The following USH2A variants were observed in gnomAD, a reference collection of about 807,000 sequenced individuals.
USH2A encodes the protein usherin, also known as Usher syndrome 2A (autosomal recessive, mild).
Under a neutral mutation model 538.9 loss-of-function variants are expected in USH2A, and 443 were observed. That is an observed-to-expected ratio of 0.82 (90% CI 0.76 to 0.89). The LOEUF (loss-of-function observed/expected upper bound fraction) is 0.89, where lower values mean the gene tolerates loss of function less well. Ranked by LOEUF, USH2A falls within the 40% of genes least tolerant of loss-of-function variation. The pLI, the probability that USH2A is intolerant of heterozygous loss-of-function variation, is 0.00. For missense variants in USH2A, 6,633 were observed against 6,324.8 expected, an observed-to-expected ratio of 1.05 and a Z score of -1.65; for synonymous variants, 2,413 against 2,273.5, an observed-to-expected ratio of 1.06 and a Z score of -1.75.
chr1:215,779,733 T>C (rs1165585678), intron 55 of USH2A, 110 bp downstream of exon 55: 7 of 1,316,610 alleles, frequency 5.3e-6, no homozygotes, highest in Middle Eastern at 2.5e-4. Flanking sequence ...AGAGAACACG[T>C]CCTTTCGAAG....
intron 64 of USH2A, among the ~76,000 whole-genome samples, chr1:215,662,564 G>A (rs1013584303): frequency 4.6e-5 from 7 of 152,204 alleles, no homozygotes; most frequent in South Asian, 2.1e-4. Context: ...ATGATCTCCC[G>A]TGGGAACAAA....
At position 215,838,097 on chromosome 1, in the gene USH2A, C is replaced by G; in HGVS notation, c.9265G>C (p.Val3089Leu). The change falls in exon 47 of 72, where the codon GTC (valine) becomes CTC (leucine). Residue 3089 changes from valine (V) to leucine (L), a missense_variant. Val to Leu is a conservative substitution (Grantham distance 32, BLOSUM62 1). Coordinates refer to ENST00000307340, the MANE Select transcript of USH2A (RefSeq NM_206933.4). ...PFTIYDIQVE[V>L]CTIYACVKSN... is the part of the protein sequence containing the mutation. ...TTCACGCAGGCATATATTGTGCAGA[C>G]TTCAACCTGCAAACATTAGTTTAGA... 6.2e-7 allele frequency: 1 copy of G among 1,613,182 alleles called. No homozygotes were observed. The highest frequency in any genetic ancestry group is 1.1e-5 in the South Asian group (1 of 91,080).
chr1:215,849,792 A>G (rs1663969391), intron 44 of USH2A, among the ~76,000 whole-genome samples: 2 of 152,196 alleles, frequency 1.3e-5, no homozygotes, highest in South Asian at 4.1e-4. Flanking sequence ...GTTGAAAGAC[A>G]ATGGAACAAT....
At chr1:216,058,406 T>C (rs2031056766) in intron 30 of USH2A, among the ~76,000 whole-genome samples, 1 of 149,276 alleles carries the variant, frequency 6.7e-6, no homozygotes, top group Non-Finnish European at 1.5e-5. Flanking sequence ...AAAAATCATG[T>C]TACAATGATA....
Position 215,689,499 on chromosome 1 carries a change from C to A in USH2A, c.12067-9123G>T, listed in dbSNP as rs116719408. Among the ~76,000 whole-genome samples the A allele has an allele frequency of 1.1e-4, 16 of 152,324 alleles. No homozygotes were observed. In the East Asian group the frequency reaches 1.7e-3, roughly 17 times the overall value. Reference sequence around the variant, plus strand: ...ATGCCCTTGTGTGATTCTCCCTCCCCCTGAGTGCAGTCAGGGCCTATGCCT... The same window carrying A: ...ATGCCCTTGTGTGATTCTCCCTCCCACTGAGTGCAGTCAGGGCCTATGCCT... On this transcript the variant is annotated intron_variant, in intron 61 of 71. Transcript: ENST00000307340.
At chr1:216,257,214 G>A (rs1488703971) in intron 11 of USH2A, among the ~76,000 whole-genome samples, 1 of 151,644 alleles carries the variant, frequency 6.6e-6, no homozygotes, top group East Asian at 1.9e-4. Flanking sequence ...TTATAGTATA[G>A]GTTTCTGTGT....
At chr1:216,088,036 C>G (rs750956238) in intron 23 of USH2A, among the ~76,000 whole-genome samples, 1 of 152,128 alleles carries the variant, frequency 6.6e-6, no homozygotes, top group Non-Finnish European at 1.5e-5. Context: ...GACCTTATGT[C>G]ATGTCATTAG....
chr1:216,384,228 T>C (rs1042299639), intron 3 of USH2A, among the ~76,000 whole-genome samples: 5 of 151,940 alleles, frequency 3.3e-5, no homozygotes, highest in Middle Eastern at 3.4e-3. Context: ...ACATATAATT[T>C]CTAAATATAT....
intron 22 of USH2A, among the ~76,000 whole-genome samples, chr1:216,094,561 A>G (rs2032392629): frequency 6.6e-6 from 1 of 152,146 alleles, no homozygotes. Context: ...ATCATTAAAT[A>G]TTTAGGCATA....
intron 4 of USH2A, among the ~76,000 whole-genome samples, chr1:216,340,278 C>T (rs1046484895): frequency 6.6e-6 from 1 of 151,902 alleles, no homozygotes; most frequent in South Asian, 2.1e-4. Flanking sequence ...TAAACCTTCC[C>T]AAGGCTAAAC....
intron 30 of USH2A, among the ~76,000 whole-genome samples, chr1:216,056,789 T>TGC (rs916935343): frequency 2.0e-5 from 3 of 150,634 alleles, no homozygotes; most frequent in African/African-American, 7.5e-5. Flanking sequence ...CATTTGTGTG[T>TGC]GTGTGTGTGT....
chr1:215,911,899 G>A lies in USH2A; in HGVS notation c.7301-10994C>T, dbSNP rs1665794121. 2.0e-5 allele frequency among the ~76,000 whole-genome samples: 3 copies of A among 151,930 alleles called. No individual in the cohort carries two copies. The South Asian group carries it at 6.2e-4, about 32-fold the overall frequency. On this transcript the variant is annotated intron_variant, in intron 38 of 71. Transcript: ENST00000307340. ...TTTATTGCCTGTTTTTTGGACATAA[G>A]CCATTTTAACTGGGGTGAGATGAAA...
chr1:216,096,335 C>T (rs1000775120), intron 22 of USH2A, among the ~76,000 whole-genome samples: 2 of 152,156 alleles, frequency 1.3e-5, no homozygotes, highest in Non-Finnish European at 2.9e-5. Context: ...GCTCACTTTG[C>T]CTGGAAACTT....
intron 16 of USH2A, among the ~76,000 whole-genome samples, chr1:216,206,755 T>C (rs760366514): frequency 6.6e-6 from 1 of 152,250 alleles, no homozygotes; most frequent in Non-Finnish European, 1.5e-5. Context: ...CCATATACTA[T>C]AATTTCCTGA....
chr1:215,875,446 G>A (rs1034942878), intron 43 of USH2A, among the ~76,000 whole-genome samples: 6 of 152,060 alleles, frequency 3.9e-5, no homozygotes, highest in Admixed American at 1.3e-4. Context: ...CTTCCCTTCC[G>A]GAAGCAGCTG....
At chr1:215,925,931 T>A (rs1282885050) in intron 38 of USH2A, among the ~76,000 whole-genome samples, 1 of 152,136 alleles carries the variant, frequency 6.6e-6, no homozygotes, top group Non-Finnish European at 1.5e-5. Flanking sequence ...ATCTTGACAT[T>A]GTACTAAGTT....
At chr1:215,688,839 C>T (rs1242555264) in intron 61 of USH2A, among the ~76,000 whole-genome samples, 1 of 151,930 alleles carries the variant, frequency 6.6e-6, no homozygotes, top group Admixed American at 6.6e-5. Flanking sequence ...CCAGTGTATG[C>T]ATTTTGGGAG....
At chr1:215,842,885 G>A (rs916813937) in intron 46 of USH2A, among the ~76,000 whole-genome samples, 1 of 151,960 alleles carries the variant, frequency 6.6e-6, no homozygotes, top group African/African-American at 2.4e-5. Flanking sequence ...TGGTAGATGG[G>A]TTGTTAGGTG....
At chr1:216,228,396 G>T (rs924379853) in intron 14 of USH2A, among the ~76,000 whole-genome samples, 6 of 152,204 alleles carry the variant, frequency 3.9e-5, no homozygotes, top group African/African-American at 1.4e-4. Flanking sequence ...GGATTGATAT[G>T]GTTTGGCTGT....
Sources: allele counts gnomAD v4.1 joint callset (sites outside exome capture counted in the v4.1 genomes callset), GRCh38; gene constraint gnomAD v4.1.1; transcripts MANE v1.5; gene names NCBI Gene and HGNC (gene_info 2026-07-23, HGNC 2026-07-21).